Variants in GHRHR observed in about 807,000 individuals in gnomAD.
GHRHR encodes growth hormone-releasing hormone receptor.
GHRHR carries 40 observed loss-of-function variants against 58.3 expected under a neutral mutation model. The observed-to-expected ratio is 0.69, with a 90% CI of 0.53 to 0.89. The LOEUF is 0.89. Among genes scored for constraint, GHRHR ranks in the 40% least tolerant of loss-of-function variants. The probability of loss-of-function intolerance (pLI) is 0.00; values close to 1 mark genes in which losing one functional copy is unlikely to be tolerated. For synonymous variants in GHRHR, 249 were observed against 216.6 expected (o/e 1.15, Z -1.31); for missense variants, 551 against 541.3 (o/e 1.02, Z -0.18).
chr7:30,967,045 C>G (rs559293345), intron 1 of GHRHR, among the ~76,000 whole-genome samples: 2 of 152,188 alleles, frequency 1.3e-5, no homozygotes, highest in African/African-American at 4.8e-5. Flanking sequence ...GAACAGACAT[C>G]TACACTGGTT....
At position 30,971,161 on chromosome 7, in the gene GHRHR, C is replaced by T. The variant is rs1228684540; in HGVS notation, c.409C>T (p.His137Tyr). 1 of 1,532,630 alleles carries T rather than the reference C, an allele frequency of 6.5e-7. No homozygotes were observed. Among genetic ancestry groups the T allele is most frequent in the Non-Finnish European group, 8.9e-7 (1 of 1,126,838 alleles). The allele number at this position is 1,532,630 out of a possible 1,614,324, so 94.9% of individuals were successfully genotyped here. ...STVKIIYTVGHSISIVALFVA... is the reference protein window; with the variant it reads ...STVKIIYTVGYSISIVALFVA... ...AGTGAAGATTATCTACACCGTGGGC[C>T]ATAGCATCTCTATTGTAGCCCTCTT... The change falls in exon 5 of 13, where the codon CAT becomes TAT. Residue 137 changes from histidine (H) to tyrosine (Y), a missense_variant. By Grantham distance (83) the His-to-Tyr change is moderately conservative. Transcript: ENST00000326139.
Position 30,979,465 on chromosome 7 carries a change from T to C in GHRHR, c.*221T>C, listed in dbSNP as rs28371563. On this transcript the variant is annotated 3_prime_UTR_variant, in exon 13 of 13. Coordinates refer to ENST00000326139, the MANE Select transcript of GHRHR (RefSeq NM_000823.4). Reference sequence around the variant, plus strand: ...TCCCTCTGTGTCTGCTCTCATCCATTCCTCTTACTGGGGCCTGGGGCTCTA... The same window carrying C: ...TCCCTCTGTGTCTGCTCTCATCCATCCCTCTTACTGGGGCCTGGGGCTCTA... The C allele has an allele frequency of 0.042, 21,981 of 529,114 alleles. 964 individuals are homozygous for C. The highest frequency in any genetic ancestry group is 0.15 in the African/African-American group (7,854 of 52,846). 32.8% of individuals were successfully genotyped at this position (529,114 alleles called of 1,614,324 possible). A position where few individuals can be genotyped will look rare whatever the true frequency, so the allele number is the denominator to read the frequency against.
rs372707560 is a variant in GHRHR, at chr7:30,968,843, C to T, written c.67C>T (p.His23Tyr). ...TCACTGTTTCCAGCAGGTATTGGGC[C>T]ACATGCACCCAGAATGTGACTTCAT... ...VLSPLPTVLG[H>Y]MHPECDFITQ... Residue 23 changes from histidine to tyrosine, a missense_variant, in exon 2 of 13, where the codon CAC (histidine) becomes TAC (tyrosine). Coordinates refer to ENST00000326139, the MANE Select transcript of GHRHR (RefSeq NM_000823.4). 2.5e-6 allele frequency: 4 copies of T among 1,612,546 alleles called. No individual in the cohort carries two copies. The highest frequency in any genetic ancestry group is 3.4e-6 in the Non-Finnish European group (4 of 1,178,718).
chr7:30,975,808 G>T lies in GHRHR; in HGVS notation c.914G>T (p.Arg305Leu), dbSNP rs200472991. 1.9e-6 allele frequency: 3 copies of T among 1,610,996 alleles called. No individual in the cohort carries two copies. The highest frequency in any genetic ancestry group is 1.1e-5 in the South Asian group (1 of 90,992). The change falls in exon 10 of 13, where the codon CGC becomes CTC. Residue 305 changes from arginine (R) to leucine (L), a missense_variant. Arg to Leu is a moderately radical substitution (Grantham distance 102). Transcript: ENST00000326139. ...TTTGGGCTTTTTCTCAATATTATCC[G>T]CATCCTGGTGAGGAAACTGGAGCCA... ...VNFGLFLNII[R>L]ILVRKLEPAQ...
Position 30,976,057 on chromosome 7 carries a change from C to G in GHRHR, c.974+189C>G, listed in dbSNP as rs1262929136. The G allele has an allele frequency of 1.1e-5, 7 of 619,198 alleles. No individual in the cohort carries two copies. In the South Asian group the frequency reaches 1.3e-4, roughly 12 times the overall value. The allele number at this position is 619,198 out of a possible 1,614,324, so 38.4% of individuals were successfully genotyped here. A position where few individuals can be genotyped will look rare whatever the true frequency, so the allele number is the denominator to read the frequency against. On this transcript the variant is annotated intron_variant, in intron 10 of 12. Transcript: ENST00000326139. ...ATATTGGAAGGATGAGGACTCCAAA[C>G]AGCCAGCTCCCATGCCAAATAGAAC...
intron 12 of GHRHR, 57 bp downstream of exon 12, chr7:30,977,379 C>T (rs1335608663): frequency 5.5e-6 from 8 of 1,444,144 alleles, no homozygotes; most frequent in African/African-American, 1.4e-5. Context: ...GACCTAAGGC[C>T]CCTCCTCCTC....
chr7:30,972,103 C>A lies in GHRHR; in HGVS notation c.597+8C>A, dbSNP rs779985124. Reference sequence around the variant, plus strand: ...CACTGCAGCTTCTCCACTGTAATGGCCATGGGTGAAGGGGCTGGGCAGGTG... The same window carrying A: ...CACTGCAGCTTCTCCACTGTAATGGACATGGGTGAAGGGGCTGGGCAGGTG... On this transcript the variant is annotated splice_region_variant and intron_variant, in intron 6 of 12. Transcript: ENST00000326139. 6.2e-7 allele frequency: 1 copy of A among 1,613,744 alleles called. No individual in the cohort carries two copies. Among genetic ancestry groups the A allele is most frequent in the East Asian group, 2.2e-5 (1 of 44,866 alleles).
rs1011685721 is a variant in GHRHR, at chr7:30,970,907, C to T, written c.367-212C>T. 6.3e-6 allele frequency: 4 copies of T among 630,484 alleles called. No homozygotes were observed. The African/African-American group carries it at 7.2e-5, about 11-fold the overall frequency. 39.1% of individuals were successfully genotyped at this position (630,484 alleles called of 1,614,324 possible). ...AAGCATCTCCACTCCTCGCCACTACCCCTCCCTCACCCGCAGGTCAGGTGG... is the reference window on the plus strand; with the variant it reads ...AAGCATCTCCACTCCTCGCCACTACTCCTCCCTCACCCGCAGGTCAGGTGG... On this transcript the variant is annotated intron_variant, in intron 4 of 12. Coordinates refer to ENST00000326139, the MANE Select transcript of GHRHR (RefSeq NM_000823.4).
chr7:30,977,136 T>C, intron 11 of GHRHR, 145 bp from the exon 12 acceptor site: 1 of 775,686 alleles, frequency 1.3e-6, no homozygotes, highest in Non-Finnish European at 2.3e-6. Context: ...TAGTAAGTAA[T>C]GAATGCATTT....
intron 5 of GHRHR, among the ~76,000 whole-genome samples, chr7:30,971,624 G>T (rs956386701): frequency 6.6e-6 from 1 of 151,932 alleles, no homozygotes; most frequent in African/African-American, 2.4e-5. Flanking sequence ...CATCTGGCCT[G>T]TGCTGTTCTT....
At chr7:30,968,813 C>T (rs1792412850) in intron 1 of GHRHR, 21 bp from the exon 2 acceptor site, 1 of 1,573,130 alleles carries the variant, frequency 6.4e-7, no homozygotes, top group Non-Finnish European at 8.8e-7. Flanking sequence ...CTTGGCTCAT[C>T]CTGTTCACTG....
rs890842046 is a variant in GHRHR at position 30,979,311 on chromosome 7, T to A, written c.*67T>A. On this transcript the variant is annotated 3_prime_UTR_variant, in exon 13 of 13. Transcript: ENST00000326139. ...CAGCTACCACGGGTCTGCCATGCTC[T>A]GGAGGAGCAAGGGGGCCACATCCCC... 4 of 1,533,636 alleles carry A rather than the reference T, an allele frequency of 2.6e-6. No homozygotes were observed. The African/African-American group carries it at 4.1e-5, about 16-fold the overall frequency.
chr7:30,968,046 T>A (rs1472928257), intron 1 of GHRHR, among the ~76,000 whole-genome samples: 2 of 152,136 alleles, frequency 1.3e-5, no homozygotes, highest in Non-Finnish European at 2.9e-5. Context: ...ACGGCACACA[T>A]CCTCATGTCA....
intron 1 of GHRHR, among the ~76,000 whole-genome samples, chr7:30,967,714 C>T (rs561507101): frequency 5.3e-5 from 8 of 151,994 alleles, no homozygotes; most frequent in Non-Finnish European, 1.0e-4. Context: ...GCCTTCCTTC[C>T]CTCCTTCCTT....
At chr7:30,969,267 G>A in intron 3 of GHRHR, 97 bp downstream of exon 3, 1 of 836,364 alleles carries the variant, frequency 1.2e-6, no homozygotes. Flanking sequence ...ACCTGGGTTT[G>A]TATACCAACT....
At position 30,979,350 on chromosome 7, in the gene GHRHR, C is replaced by A; in HGVS notation, c.*106C>A. 1 of 1,149,886 alleles carries A rather than the reference C, an allele frequency of 8.7e-7. No individual in the cohort carries two copies. Among genetic ancestry groups the A allele is most frequent in the Non-Finnish European group, 1.3e-6 (1 of 790,104 alleles). The allele number at this position is 1,149,886 out of a possible 1,614,324, so 71.2% of individuals were successfully genotyped here. On this transcript the variant is annotated 3_prime_UTR_variant, in exon 13 of 13. Transcript: ENST00000326139. ...GGCCACATCCCCACCCCAGCTGTTA[C>A]CCAGCCCGGGGCAGGTGCAGCCCTT... is the stretch of plus-strand genomic sequence containing the variant.
At chr7:30,971,850 A>T in intron 5 of GHRHR, 113 bp from the exon 6 acceptor site, 1 of 952,424 alleles carries the variant, frequency 1.0e-6, no homozygotes, top group Non-Finnish European at 1.7e-6. Context: ...ATTCAGTTTG[A>T]TTGCATCCAG....
intron 4 of GHRHR, among the ~76,000 whole-genome samples, chr7:30,970,256 G>A (rs1287207779): frequency 6.6e-6 from 1 of 152,176 alleles, no homozygotes; most frequent in Non-Finnish European, 1.5e-5. Flanking sequence ...GGAGCTTAAA[G>A]TGGTTCCAGA....
intron 6 of GHRHR, among the ~76,000 whole-genome samples, chr7:30,973,417 G>C (rs1341714633): frequency 6.6e-6 from 1 of 152,228 alleles, no homozygotes; most frequent in Admixed American, 6.5e-5. Flanking sequence ...TTTTGTAGAG[G>C]AGAGACAGTT....
Sources: allele counts gnomAD v4.1 joint callset (sites outside exome capture counted in the v4.1 genomes callset), GRCh38; gene constraint gnomAD v4.1.1; transcripts MANE v1.5; gene names NCBI Gene and HGNC (gene_info 2026-07-23, HGNC 2026-07-21).